Variants in PPP4R1 observed in about 807,000 individuals in gnomAD.
The protein encoded by PPP4R1 is protein phosphatase 4 regulatory subunit 1.
PPP4R1 carries 42 observed loss-of-function variants against 111.2 expected under a neutral mutation model. The observed-to-expected ratio is 0.38, with a 90% CI of 0.29 to 0.49. PPP4R1 has a LOEUF of 0.49. PPP4R1 is among the 20% of genes least tolerant of loss of function. The pLI is 0.97. For missense variants in PPP4R1, 1,012 were observed against 1,161.6 expected, an observed-to-expected ratio of 0.87 and a Z score of 1.87; for synonymous variants, 409 against 405.5, an observed-to-expected ratio of 1.01 and a Z score of -0.10.
intron 3 of PPP4R1, chr18:9,594,773 T>G: frequency 2.4e-6 from 1 of 418,314 alleles, no homozygotes; most frequent in Non-Finnish European, 4.2e-6. Context: ...TTATGTCCAG[T>G]GGCAGAAAAG....
intron 11 of PPP4R1, among the ~76,000 whole-genome samples, chr18:9,567,727 C>T (rs1368302859): frequency 6.6e-6 from 1 of 152,032 alleles, no homozygotes; most frequent in African/African-American, 2.4e-5. Flanking sequence ...GGTAATATGC[C>T]AACAAACACC....
At chr18:9,565,524 T>C (rs2066750718) in intron 11 of PPP4R1, among the ~76,000 whole-genome samples, 1 of 152,188 alleles carries the variant, frequency 6.6e-6, no homozygotes, top group Non-Finnish European at 1.5e-5. Flanking sequence ...AAGTTATAAA[T>C]GCAGATGGAA....
At chr18:9,561,865 A>G (rs1568091969) in intron 13 of PPP4R1, 115 bp downstream of exon 13, 1 of 766,234 alleles carries the variant, frequency 1.3e-6, no homozygotes, top group Non-Finnish European at 2.2e-6. Context: ...AATATGACAC[A>G]CTAGTCAATT....
chr18:9,570,346 G>A lies in PPP4R1; in HGVS notation c.1384C>T (p.Pro462Ser). ...LYNSFHFWRT[P>S]LPEIDLDIEL... ...ATGTCTAGATCTATTTCAGGAAGAG[G>A]AGTCCTCCAGAAATGGAAGGAGTTA... The change falls in exon 11 of 20, where the codon CCT becomes TCT. Residue 462 changes from proline (P) to serine (S), a missense_variant. By Grantham distance (74) the Pro-to-Ser change is moderately conservative. Transcript: ENST00000400556. The A allele has an allele frequency of 1.2e-6, 2 of 1,611,388 alleles. No homozygotes were observed. The highest frequency in any genetic ancestry group is 4.5e-5 in the East Asian group (2 of 44,848).
chr18:9,616,672 CTG>C (rs2067691759), upstream of PPP4R1, among the ~76,000 whole-genome samples: 1 of 148,540 alleles, frequency 6.7e-6, no homozygotes, highest in South Asian at 2.1e-4. Context: ...TAAGACAAAA[CTG>C]TCTTGATCTA....
At chr18:9,589,621 A>AT (rs1247499602) in intron 4 of PPP4R1, among the ~76,000 whole-genome samples, 5 of 152,048 alleles carry the variant, frequency 3.3e-5, no homozygotes, top group African/African-American at 1.2e-4. Flanking sequence ...TAAAAACTTT[A>AT]TTATAGGCTG....
Position 9,570,525 on chromosome 18 carries a change from A to C in PPP4R1, c.1205T>G (p.Leu402Arg). Residue 402 changes from leucine (L) to arginine (R), a missense_variant, in exon 11 of 20, where the codon CTG (leucine) becomes CGG (arginine). Around this residue, in one of 2 missense-constraint regions of PPP4R1, gnomAD observed 707 missense variants for 742.1 expected, o/e 0.95. Coordinates refer to ENST00000400556, the MANE Select transcript of PPP4R1 (RefSeq NM_001042388.3). ...CAAAGTACAAAGTAAAGAGCTGTCC[A>C]GTGGAACACTAATTTCACCTAGAGG... ...GKPLGEISVP[L>R]DSSLLCTLSS... is the part of the protein sequence containing the mutation. The C allele has an allele frequency of 6.2e-7, 1 of 1,614,232 alleles. No individual in the cohort carries two copies. The highest frequency in any genetic ancestry group is 8.5e-7 in the Non-Finnish European group (1 of 1,180,046).
intron 14 of PPP4R1, 38 bp downstream of exon 14, chr18:9,559,381 C>T: frequency 6.4e-7 from 1 of 1,553,934 alleles, no homozygotes. Context: ...GTGCCTTCCA[C>T]ATGCACGTTC....
intron 15 of PPP4R1, 163 bp downstream of exon 15, chr18:9,557,058 T>C: frequency 1.7e-6 from 1 of 596,644 alleles, no homozygotes; most frequent in Non-Finnish European, 2.8e-6. Flanking sequence ...GAGAGTATAA[T>C]TATGGGACCA....
intron 2 of PPP4R1, among the ~76,000 whole-genome samples, chr18:9,605,065 C>T (rs1018182296): frequency 6.6e-6 from 1 of 152,134 alleles, no homozygotes; most frequent in South Asian, 2.1e-4. Flanking sequence ...AATAATGTAA[C>T]GTAAAACATA....
At position 9,587,413 on chromosome 18, in the gene PPP4R1, GTTTT is replaced by G. The variant is rs1273581233; in HGVS notation, c.585+672_585+675del. The G allele has an allele frequency of 1.8e-4, 18 of 102,212 alleles. No homozygotes were observed. In the East Asian group the frequency reaches 5.4e-3, roughly 31 times the overall value. The allele number at this position is 102,212 out of a possible 1,614,324, so 6.3% of individuals were successfully genotyped here. Reference sequence around the variant, plus strand: ...TTCTTTCTTTTTTTTTTTTTGTTTTGTTTTTTTAAGACAGAGTCTTGTTCTGTCA... The same window carrying G: ...TTCTTTCTTTTTTTTTTTTTGTTTTGTTTAAGACAGAGTCTTGTTCTGTCA... On this transcript the variant is annotated intron_variant, in intron 6 of 19. Coordinates refer to ENST00000400556, the MANE Select transcript of PPP4R1 (RefSeq NM_001042388.3).
intron 2 of PPP4R1, among the ~76,000 whole-genome samples, chr18:9,609,228 A>C (rs2067536299): frequency 6.6e-6 from 1 of 152,220 alleles, no homozygotes; most frequent in Non-Finnish European, 1.5e-5. Context: ...GGCAGCAGTC[A>C]AAACAGGCTA....
intron 15 of PPP4R1, 45 bp from the exon 16 acceptor site, chr18:9,553,467 A>C (rs2066520995): frequency 7.4e-7 from 1 of 1,344,132 alleles, no homozygotes; most frequent in Non-Finnish European, 1.0e-6. Flanking sequence ...AGGTACAGAC[A>C]GTATTTCTTT....
intron 11 of PPP4R1, among the ~76,000 whole-genome samples, chr18:9,564,733 TGTGTGGGG>T (rs60619131): frequency 0.2 from 21,875 of 107,990 alleles, 2,151 homozygotes; most frequent in African/African-American, 0.34. Context: ...TGTGTGTGTG[TGTGTGGGG>T]GTATCATCCC....
intron 4 of PPP4R1, among the ~76,000 whole-genome samples, chr18:9,590,946 A>G (rs2067201081): frequency 6.6e-6 from 1 of 152,218 alleles, no homozygotes; most frequent in Non-Finnish European, 1.5e-5. Flanking sequence ...TGAAAAAGAT[A>G]TCTTTAATAC....
At chr18:9,567,976 A>T (rs1054807607) in intron 11 of PPP4R1, among the ~76,000 whole-genome samples, 1 of 151,480 alleles carries the variant, frequency 6.6e-6, no homozygotes, top group East Asian at 1.9e-4. Flanking sequence ...AGGTATGTGC[A>T]TTTTTTTTTA....
Position 9,593,797 on chromosome 18 carries a change from T to C in PPP4R1, c.266A>G (p.Glu89Gly). The C allele has an allele frequency of 6.2e-7, 1 of 1,613,874 alleles. No individual in the cohort carries two copies. Among genetic ancestry groups the C allele is most frequent in the Non-Finnish European group, 8.5e-7 (1 of 1,179,860 alleles). ...ATCATCGGCCAATCTGCTAATTCTT[T>C]CCAAAACAGCAATACAATCTCTTTC... ...DDERDCIAVL[E>G]RISRLADDSE... Residue 89 changes from glutamate to glycine, a missense_variant, in exon 4 of 20, where the codon GAA (glutamate) becomes GGA (glycine). Physicochemically the swap from Glu to Gly is moderately conservative, Grantham distance 98. Transcript: ENST00000400556.
chr18:9,585,470 T>C (rs147929557), intron 6 of PPP4R1, among the ~76,000 whole-genome samples: 29 of 152,308 alleles, frequency 1.9e-4, no homozygotes, highest in Admixed American at 2.6e-4. Context: ...TTTAGATACA[T>C]TGTTCCCACA....
rs569502138 is a variant in PPP4R1 at position 9,585,810 on chromosome 18, C to T, written c.586-982G>A. On this transcript the variant is annotated intron_variant, in intron 6 of 19. Transcript: ENST00000400556. Reference sequence around the variant, plus strand: ...GAAGTACTTTTAAAAAATATGAAATCGAACAAAATACACACAAGAACTTTC... The same window carrying T: ...GAAGTACTTTTAAAAAATATGAAATTGAACAAAATACACACAAGAACTTTC... Among the ~76,000 whole-genome samples, 104 of 152,110 alleles carry T rather than the reference C, an allele frequency of 6.8e-4. 1 individual carries two copies. The highest frequency in any genetic ancestry group is 2.4e-3 in the Admixed American group (37 of 15,280).
Sources: allele counts gnomAD v4.1 joint callset (sites outside exome capture counted in the v4.1 genomes callset), GRCh38; gene constraint gnomAD v4.1.1; regional missense constraint gnomAD v4.1.1; transcripts MANE v1.5; gene names NCBI Gene and HGNC (gene_info 2026-07-23, HGNC 2026-07-21).